USP53: variants seen among roughly 807,000 people sequenced by gnomAD.
The protein encoded by USP53 is ubiquitin specific peptidase 53.
USP53 carries 71 observed loss-of-function variants against 94.9 expected under a neutral mutation model. The ratio of observed to expected loss-of-function variants is 0.75; its 90% confidence interval spans 0.62 to 0.91. The LOEUF (loss-of-function observed/expected upper bound fraction) is 0.91. Among genes scored for constraint, USP53 ranks in the 40% least tolerant of loss-of-function variants. The probability of loss-of-function intolerance (pLI) is 0.00; values close to 1 mark genes in which losing one functional copy is unlikely to be tolerated. For missense variants in USP53, 1,173 were observed against 1,281.0 expected, an observed-to-expected ratio of 0.92 and a Z score of 1.29; for synonymous variants, 375 against 422.7, an observed-to-expected ratio of 0.89 and a Z score of 1.39.
intron 3 of USP53, among the ~76,000 whole-genome samples, chr4:119,229,845 G>T (rs1745814756): frequency 6.6e-6 from 1 of 152,166 alleles, no homozygotes; most frequent in African/African-American, 2.4e-5. Flanking sequence ...AAAGCTTTTT[G>T]CCACCTATTA....
intron 3 of USP53, among the ~76,000 whole-genome samples, chr4:119,224,365 A>G (rs1199533334): frequency 2.6e-5 from 4 of 152,238 alleles, no homozygotes; most frequent in Non-Finnish European, 4.4e-5. Flanking sequence ...GTTTTATTAT[A>G]TTACACAGTG....
chr4:119,234,017 T>C (rs1746407122), intron 3 of USP53, among the ~76,000 whole-genome samples: 1 of 152,208 alleles, frequency 6.6e-6, no homozygotes, highest in South Asian at 2.1e-4. Context: ...GCTATCCTTA[T>C]TGTATTTATG....
At chr4:119,228,571 C>T (rs978257214) in intron 3 of USP53, among the ~76,000 whole-genome samples, 2 of 152,116 alleles carry the variant, frequency 1.3e-5, no homozygotes, top group Non-Finnish European at 2.9e-5. Context: ...TGTGGGTGCA[C>T]TGTGGTAGAA....
chr4:119,244,113 CT>C (rs1235540403), intron 5 of USP53, among the ~76,000 whole-genome samples: 3 of 152,142 alleles, frequency 2.0e-5, no homozygotes, highest in Non-Finnish European at 4.4e-5. Flanking sequence ...TACATTGCTT[CT>C]AAAGTTGTGC....
chr4:119,222,456 TC>T (rs140401538), intron 3 of USP53, among the ~76,000 whole-genome samples: 6,117 of 152,276 alleles, frequency 0.04, 421 homozygotes, highest in African/African-American at 0.14. Context: ...TCTCTCCACT[TC>T]CTTTCCCAGC....
chr4:119,267,625 G>C, intron 13 of USP53, 143 bp downstream of exon 13: 1 of 1,022,168 alleles, frequency 9.8e-7, no homozygotes, highest in African/African-American at 1.7e-5. Flanking sequence ...AGTAATTTTT[G>C]TTAGTATTTT....
chr4:119,232,690 C>G (rs1207358743), intron 3 of USP53, among the ~76,000 whole-genome samples: 1 of 152,088 alleles, frequency 6.6e-6, no homozygotes, highest in Non-Finnish European at 1.5e-5. Context: ...GTATTCTTTT[C>G]AATAGTATGT....
intron 17 of USP53, among the ~76,000 whole-genome samples, chr4:119,279,739 T>C (rs892224998): frequency 8.5e-5 from 13 of 152,348 alleles, no homozygotes; most frequent in Admixed American, 7.8e-4. Context: ...ACTGCTGTGC[T>C]AGCAGTCAGC....
At chr4:119,221,256 C>T (rs1430992173) in intron 3 of USP53, 1 of 151,928 alleles carries the variant, frequency 6.6e-6, no homozygotes, top group Non-Finnish European at 1.5e-5. Context: ...AAAATCAAAA[C>T]TGTTGTATTA....
intron 3 of USP53, among the ~76,000 whole-genome samples, chr4:119,229,495 A>G (rs1745768816): frequency 6.6e-6 from 1 of 152,006 alleles, no homozygotes; most frequent in Non-Finnish European, 1.5e-5. Context: ...ATGGAACTCA[A>G]TATTTTCTCT....
Position 119,247,646 on chromosome 4 carries a change from C to A in USP53, c.238-1102C>A, listed in dbSNP as rs1241736003. On this transcript the variant is annotated intron_variant, in intron 6 of 18. Coordinates refer to ENST00000692078, the MANE Select transcript of USP53 (RefSeq NM_001371395.1). ...GGCTCCATGTGGGCAGGGTTGTCAT[C>A]CATTTTTCTAGGGTAGAACAATGCC... Among the ~76,000 whole-genome samples the A allele has an allele frequency of 2.0e-5, 3 of 152,060 alleles. No homozygotes were observed. The East Asian group carries it at 5.8e-4, about 29-fold the overall frequency.
chr4:119,225,428 C>A (rs951878530), intron 3 of USP53, among the ~76,000 whole-genome samples: 1 of 152,038 alleles, frequency 6.6e-6, no homozygotes, highest in African/African-American at 2.4e-5. Context: ...AAAACACTTC[C>A]AAGTTCACTT....
In USP53 at chr4:119,292,691, T is replaced by C. The variant is rs1435856123; in HGVS notation, c.2702T>C (p.Ile901Thr). 6.2e-7 allele frequency: 1 copy of C among 1,614,072 alleles called. No homozygotes were observed. Among genetic ancestry groups the C allele is most frequent in the East Asian group, 2.2e-5 (1 of 44,884 alleles). ...AACTCTCTATCCACAGAATGTATAA[T>C]TCGGTCAGCCAGCAGATCTGATGGG... ...FENSLSTECIIRSASRSDGCQ... is the reference protein window; with the variant it reads ...FENSLSTECITRSASRSDGCQ... The change falls in exon 19 of 19, where the codon ATT (isoleucine) becomes ACT (threonine). Residue 901 changes from isoleucine (I) to threonine (T), a missense_variant. Physicochemically the swap from Ile to Thr is moderately conservative, Grantham distance 89 (BLOSUM62 -1). Coordinates refer to ENST00000692078, the MANE Select transcript of USP53 (RefSeq NM_001371395.1).
At chr4:119,227,596 A>T (rs563212530) in intron 3 of USP53, among the ~76,000 whole-genome samples, 1 of 152,190 alleles carries the variant, frequency 6.6e-6, no homozygotes, top group Non-Finnish European at 1.5e-5. Flanking sequence ...GCGCCACTGC[A>T]CTCCAGCTTG....
At chr4:119,255,975 A>G (rs1749714943) in intron 7 of USP53, among the ~76,000 whole-genome samples, 2 of 152,170 alleles carry the variant, frequency 1.3e-5, no homozygotes, top group Non-Finnish European at 2.9e-5. Flanking sequence ...GTCAGTCACC[A>G]TGGGTTTTTA....
At chr4:119,269,172 C>T (rs904508407) in intron 14 of USP53, among the ~76,000 whole-genome samples, 1 of 152,130 alleles carries the variant, frequency 6.6e-6, no homozygotes, top group Admixed American at 6.5e-5. Context: ...TAGATTCAGA[C>T]ATTTTATGTT....
At position 119,268,422 on chromosome 4, in the gene USP53, TATGTGTTTAA is replaced by T. The variant is rs763382674; in HGVS notation, c.1288+5_1288+14del. 1 of 1,603,598 alleles carries T rather than the reference TATGTGTTTAA, an allele frequency of 6.2e-7. No homozygotes were observed. Among genetic ancestry groups the T allele is most frequent in the Non-Finnish European group, 8.5e-7 (1 of 1,175,650 alleles). On this transcript the variant is annotated splice_donor_5th_base_variant and intron_variant, in intron 14 of 18. Coordinates refer to ENST00000692078, the MANE Select transcript of USP53 (RefSeq NM_001371395.1). ...ACACAGGTGTAGGGAAAGGACCAGG[TATGTGTTTAA>T]ATTGTCATTTTTACATAGTTCCAAG...
At position 119,267,303 on chromosome 4, in the gene USP53, T is replaced by C. The variant is rs1344659133; in HGVS notation, c.973-17T>C. On this transcript the variant is annotated splice_polypyrimidine_tract_variant and intron_variant, in intron 12 of 18. Transcript: ENST00000692078. ...CAAGGTTTTGTTTTGTCTTTATTCA[T>C]TGTGTTTTTTTAAAAGATTGGAACT... 5.6e-6 allele frequency: 9 copies of C among 1,610,436 alleles called. No homozygotes were observed. The highest frequency in any genetic ancestry group is 2.7e-5 in the African/African-American group (2 of 74,806).
At chr4:119,290,822 G>A (rs1224002418) in intron 17 of USP53, among the ~76,000 whole-genome samples, 2 of 152,102 alleles carry the variant, frequency 1.3e-5, no homozygotes, top group African/African-American at 4.8e-5. Flanking sequence ...ATCTTCAAAT[G>A]CAGGGTTTTT....
Sources: allele counts gnomAD v4.1 joint callset (sites outside exome capture counted in the v4.1 genomes callset), GRCh38; gene constraint gnomAD v4.1.1; transcripts MANE v1.5; gene names NCBI Gene and HGNC (gene_info 2026-07-23, HGNC 2026-07-21).